Variants in CARF observed in about 807,000 individuals in gnomAD.
CARF encodes calcium responsive transcription factor.
In CARF, 57 loss-of-function variants were observed where a neutral mutation model predicts 82.0. The ratio of observed to expected loss-of-function variants is 0.70; its 90% CI spans 0.56 to 0.87. The LOEUF (loss-of-function observed/expected upper bound fraction) is 0.87. CARF is among the 40% of genes least tolerant of loss of function. CARF has a pLI of 0.00. For missense variants in CARF, 771 were observed against 855.8 expected (o/e 0.90, Z 1.24); for synonymous variants, 268 against 290.1 (o/e 0.92, Z 0.77).
intron 16 of CARF, among the ~76,000 whole-genome samples, chr2:202,982,950 A>G (rs1442968522): frequency 6.6e-6 from 1 of 152,158 alleles, no homozygotes; most frequent in African/African-American, 2.4e-5. Context: ...CAATGATGCA[A>G]TCACAGGTCA....
intron 3 of CARF, among the ~76,000 whole-genome samples, chr2:202,930,033 A>G (rs997426937): frequency 3.3e-5 from 5 of 151,594 alleles, no homozygotes; most frequent in Non-Finnish European, 7.4e-5. Context: ...ATTTCATTCA[A>G]TGTGTGTGGG....
At chr2:202,975,787 A>G (rs1201351643) in intron 13 of CARF, among the ~76,000 whole-genome samples, 1 of 152,102 alleles carries the variant, frequency 6.6e-6, no homozygotes, top group Non-Finnish European at 1.5e-5. Context: ...GCTCATGCCT[A>G]TAATCCTAGC....
In CARF at chr2:202,926,845, C is replaced by G. The variant is rs150381288; in HGVS notation, c.-44+2430C>G. On this transcript the variant is annotated intron_variant, in intron 3 of 16. Coordinates refer to ENST00000438828, the MANE Select transcript of CARF (RefSeq NM_024744.17). ...TTCCTAAATTTTTATTTTTTTGAGA[C>G]AGGGTCTTGCTCTGTCGCCCAGGTT... is the stretch of plus-strand genomic sequence containing the variant. Among the ~76,000 whole-genome samples the G allele has an allele frequency of 3.3e-3, 499 of 152,154 alleles. 1 individual carries two copies. The highest frequency in any genetic ancestry group is 0.012 in the African/African-American group (481 of 41,486).
intron 5 of CARF, among the ~76,000 whole-genome samples, chr2:202,947,871 T>C (rs773088281): frequency 6.6e-6 from 1 of 152,160 alleles, no homozygotes; most frequent in Non-Finnish European, 1.5e-5. Flanking sequence ...GATTCCATTT[T>C]CCAATTTTTG....
At chr2:202,944,162 C>G (rs2058378591) in intron 5 of CARF, among the ~76,000 whole-genome samples, 1 of 152,120 alleles carries the variant, frequency 6.6e-6, no homozygotes, top group African/African-American at 2.4e-5. Flanking sequence ...AAATACTTTT[C>G]AAACTGTTGG....
intron 1 of CARF, among the ~76,000 whole-genome samples, chr2:202,916,222 C>T (rs1204907556): frequency 6.6e-6 from 1 of 151,642 alleles, no homozygotes; most frequent in East Asian, 1.9e-4. Context: ...CACTCTGTCG[C>T]CAGGCTGTAG....
chr2:202,974,624 C>A (rs553457802), intron 13 of CARF, 128 bp downstream of exon 13: 1 of 840,186 alleles, frequency 1.2e-6, no homozygotes, highest in Non-Finnish European at 1.7e-6. Flanking sequence ...ATAGGCCGGG[C>A]GTGGTGGCTC....
Position 202,942,915 on chromosome 2 carries a change from G to T in CARF, c.254G>T (p.Gly85Val), listed in dbSNP as rs749874262. Residue 85 changes from glycine (G) to valine (V), a missense_variant, in exon 5 of 17, where the codon GGG becomes GTG. Gly to Val is a moderately radical substitution (Grantham distance 109). Transcript: ENST00000438828. ...AEQFHLVDQN[G>V]QAIQYELQSL... ...CAATTCCATCTAGTGGACCAAAATG[G>T]GCAGGCTATTCAATATGAACTTCAG... 9.3e-6 allele frequency: 15 copies of T among 1,613,828 alleles called. No homozygotes were observed. The Admixed American group carries it at 2.5e-4, about 27-fold the overall frequency.
intron 7 of CARF, among the ~76,000 whole-genome samples, chr2:202,954,799 G>A (rs904905879): frequency 6.6e-6 from 1 of 151,564 alleles, no homozygotes; most frequent in East Asian, 1.9e-4. Flanking sequence ...CACGAGGTCA[G>A]GAGATTGAGA....
chr2:202,961,516 TTTTGG>T (rs778871231), intron 9 of CARF, 90 bp downstream of exon 9: 33 of 1,134,054 alleles, frequency 2.9e-5, no homozygotes, highest in Non-Finnish European at 3.9e-5. Flanking sequence ...AACATTTTTA[TTTTGG>T]TAGCTGACAA....
At chr2:202,969,873 G>T in intron 10 of CARF, 46 bp from the exon 11 acceptor site, 1 of 1,208,242 alleles carries the variant, frequency 8.3e-7, no homozygotes, top group Non-Finnish European at 1.1e-6. Context: ...AGATTATCTT[G>T]AGATTATAAT....
Position 202,986,883 on chromosome 2 carries a change from T to TATAC in CARF, c.*3262_*3263insCATA, listed in dbSNP as rs1465800164. On this transcript the variant is annotated 3_prime_UTR_variant, in exon 17 of 17. Coordinates refer to ENST00000438828, the MANE Select transcript of CARF (RefSeq NM_024744.17). ...ATGTCTGTGCGTATATATATATATA[T>TATAC]ATATATATATATATATATATATATA... 8.5e-5 allele frequency: 10 copies of TATAC among 118,026 alleles called. 1 individual carries two copies. The highest frequency in any genetic ancestry group is 4.6e-3 in the Middle Eastern group (1 of 218). The allele number at this position is 118,026 out of a possible 1,614,324, so 7.3% of individuals were successfully genotyped here. A position where few individuals can be genotyped will look rare whatever the true frequency, so the allele number is the denominator to read the frequency against.
chr2:202,918,787 T>C (rs1290844106), intron 2 of CARF, among the ~76,000 whole-genome samples: 1 of 152,198 alleles, frequency 6.6e-6, no homozygotes, highest in African/African-American at 2.4e-5. Flanking sequence ...AATGTACTTT[T>C]AATCTTCATT....
intron 8 of CARF, among the ~76,000 whole-genome samples, chr2:202,957,374 A>G (rs886863978): frequency 2.6e-5 from 4 of 152,152 alleles, no homozygotes; most frequent in Non-Finnish European, 5.9e-5. Context: ...GTATCATCCT[A>G]CGTTGTCCTA....
intron 8 of CARF, among the ~76,000 whole-genome samples, chr2:202,958,492 A>G (rs2059155531): frequency 6.6e-6 from 1 of 152,132 alleles, no homozygotes; most frequent in African/African-American, 2.4e-5. Context: ...ACCTAAAATC[A>G]TCGTATATCT....
chr2:202,924,302 A>G lies in CARF; in HGVS notation c.-157A>G, dbSNP rs942405391. On this transcript the variant is annotated 5_prime_UTR_variant, in exon 3 of 17. The change abolishes the stop of an existing upstream ORF in the 5' untranslated region. Transcript: ENST00000438828. ...TTTTGTACTGTTTGTTTCAGGTTTA[A>G]TATATCTTTGCCAAGTCCAAGGGTA... 6.6e-6 allele frequency: 1 copy of G among 152,148 alleles called. No individual in the cohort carries two copies. The highest frequency in any genetic ancestry group is 2.4e-5 in the African/African-American group (1 of 41,432). The allele number at this position is 152,148 out of a possible 1,614,324, so 9.4% of individuals were successfully genotyped here.
At chr2:202,961,687 A>G (rs2059328924) in intron 9 of CARF, 1 of 467,332 alleles carries the variant, frequency 2.1e-6, no homozygotes, top group African/African-American at 2.0e-5. Context: ...TTTCCATTAA[A>G]CCTATTTAAT....
chr2:202,929,118 T>A (rs1189949019), intron 3 of CARF, among the ~76,000 whole-genome samples: 1 of 152,236 alleles, frequency 6.6e-6, no homozygotes, highest in East Asian at 1.9e-4. Context: ...GTGGAATAGT[T>A]TGCAAATATT....
chr2:202,943,601 C>A (rs910455622), intron 5 of CARF, among the ~76,000 whole-genome samples: 2 of 140,162 alleles, frequency 1.4e-5, no homozygotes, highest in African/African-American at 5.0e-5. Flanking sequence ...CACACACACA[C>A]ACACACACAC....
Sources: gnomAD v4.1 joint callset for allele counts (sites outside exome capture counted in the v4.1 genomes callset) on GRCh38, gnomAD v4.1.1 for gene constraint, MANE v1.5 for transcripts, NCBI Gene and HGNC (gene_info 2026-07-23, HGNC 2026-07-21) for gene names.